The following CHRM3 variants were observed in gnomAD, a reference collection of about 807,000 sequenced individuals.
CHRM3 encodes muscarinic acetylcholine receptor M3.
A neutral mutation model predicts 41.8 loss-of-function variants in CHRM3; 11 were observed. The observed-to-expected ratio is 0.26, with a 90% CI of 0.17 to 0.44. The LOEUF (loss-of-function observed/expected upper bound fraction) is 0.44, where lower values mean the gene tolerates loss of function less well. CHRM3 is among the 20% of genes least tolerant of loss of function. The probability of loss-of-function intolerance (pLI) is 1.00; values close to 1 mark genes in which losing one functional copy is unlikely to be tolerated. For synonymous variants in CHRM3, 297 were observed against 301.4 expected (o/e 0.99, Z 0.15); for missense variants, 571 against 745.4 (o/e 0.77, Z 2.72).
At chr1:239,886,234 G>C (rs1678056614) in intron 6 of CHRM3, 1 of 152,064 alleles carries the variant, frequency 6.6e-6, no homozygotes, top group African/African-American at 2.4e-5. Context: ...GAAAGTATTG[G>C]GCTGCAATTG....
chr1:239,398,385 G>A (rs1192777510), intron 1 of CHRM3, among the ~76,000 whole-genome samples: 1 of 152,058 alleles, frequency 6.6e-6, no homozygotes, highest in Non-Finnish European at 1.5e-5. Context: ...ACAGGCGTGT[G>A]CCACCACGCC....
At chr1:239,648,045 G>A (rs2148954630) in intron 4 of CHRM3, among the ~76,000 whole-genome samples, 1 of 152,206 alleles carries the variant, frequency 6.6e-6, no homozygotes, top group African/African-American at 2.4e-5. Flanking sequence ...AAGAGAAAAT[G>A]AAACTAGTTT....
chr1:239,908,573 C>T lies in CHRM3; in HGVS notation c.1122C>T (p.His374=), dbSNP rs1680151876. 1.3e-6 allele frequency: 2 copies of T among 1,593,196 alleles called. No individual in the cohort carries two copies. The highest frequency in any genetic ancestry group is 1.3e-5 in the African/African-American group (1 of 74,654). ...CCATCGTGCTCAAGCTTCCGGGTCA[C>T]AGCACCATCCTCAACTCCACCAAGT... ...IYSIVLKLPG[H]STILNSTKLP... Residue 374 remains histidine (H), a synonymous_variant, in exon 7 of 7, where the codon CAC becomes CAT. Transcript: ENST00000676153. This position sits in a 1 kb window ranked among gnomAD's most constrained non-coding sequence, Gnocchi z 7.2.
chr1:239,755,003 G>T (rs1345085999), intron 5 of CHRM3, among the ~76,000 whole-genome samples: 1 of 152,132 alleles, frequency 6.6e-6, no homozygotes, highest in Non-Finnish European at 1.5e-5. Context: ...TTAGGCATTG[G>T]ATTAAGGGAC....
chr1:239,711,724 C>G (rs1388744003), intron 5 of CHRM3, among the ~76,000 whole-genome samples: 2 of 150,252 alleles, frequency 1.3e-5, no homozygotes, highest in African/African-American at 4.9e-5. Flanking sequence ...GGGTCTCACT[C>G]TGTTGCCCAG....
At chr1:239,710,895 C>T (rs1661712062) in intron 5 of CHRM3, among the ~76,000 whole-genome samples, 1 of 151,932 alleles carries the variant, frequency 6.6e-6, no homozygotes, top group Non-Finnish European at 1.5e-5. Flanking sequence ...CTATACCTCC[C>T]ACCAAGAAAG....
At position 239,842,125 on chromosome 1, in the gene CHRM3, T is replaced by C. The variant is rs569632555; in HGVS notation, c.-20+14747T>C. Among the ~76,000 whole-genome samples the C allele has an allele frequency of 7.2e-5, 11 of 152,190 alleles. 1 individual carries two copies. The highest frequency in any genetic ancestry group is 2.4e-4 in the African/African-American group (10 of 41,526). ...ACTTATAACAAAACTAGAAATTGAA[T>C]GCATGTCATCTATCAAGTCCTATGG... On this transcript the variant is annotated intron_variant, in intron 6 of 6. Transcript: ENST00000676153.
At chr1:239,801,833 C>A (rs1670242798) in intron 5 of CHRM3, among the ~76,000 whole-genome samples, 1 of 151,952 alleles carries the variant, frequency 6.6e-6, no homozygotes, top group African/African-American at 2.4e-5. Context: ...GCTTCTAGAA[C>A]TTTCTAGAAG....
chr1:239,841,073 C>T (rs1434661598), intron 6 of CHRM3, among the ~76,000 whole-genome samples: 2 of 152,198 alleles, frequency 1.3e-5, no homozygotes, highest in African/African-American at 4.8e-5. Context: ...TGACTCTCTG[C>T]TGTAAAATTG....
intron 2 of CHRM3, among the ~76,000 whole-genome samples, chr1:239,529,018 A>G (rs192527346): frequency 6.6e-6 from 1 of 152,330 alleles, no homozygotes; most frequent in Non-Finnish European, 1.5e-5. Flanking sequence ...AGCCATCTAT[A>G]CCTGTTAGAT....
intron 4 of CHRM3, among the ~76,000 whole-genome samples, chr1:239,660,058 T>C (rs534040864): frequency 5.4e-4 from 82 of 152,342 alleles, no homozygotes; most frequent in Admixed American, 2.1e-3. Flanking sequence ...AATCCTGGGC[T>C]CAAATGATCC....
chr1:239,739,262 C>T (rs187478229), intron 5 of CHRM3, among the ~76,000 whole-genome samples: 140 of 152,276 alleles, frequency 9.2e-4, no homozygotes, highest in Non-Finnish European at 1.6e-3. Flanking sequence ...CACTTGAAAA[C>T]GGGCATGCAC....
chr1:239,835,225 T>C (rs1673214470), intron 6 of CHRM3, among the ~76,000 whole-genome samples: 1 of 152,246 alleles, frequency 6.6e-6, no homozygotes, highest in Non-Finnish European at 1.5e-5. Context: ...TCTTCAGTCT[T>C]TCCGGATCCT....
At chr1:239,674,900 A>T (rs1657832535) in intron 4 of CHRM3, among the ~76,000 whole-genome samples, 1 of 151,928 alleles carries the variant, frequency 6.6e-6, no homozygotes, top group Non-Finnish European at 1.5e-5. Context: ...ATTAATCAAT[A>T]CCTGGTGTGT....
At chr1:239,556,948 G>A (rs1049889031) in intron 3 of CHRM3, among the ~76,000 whole-genome samples, 2 of 152,122 alleles carry the variant, frequency 1.3e-5, no homozygotes, top group African/African-American at 2.4e-5. Flanking sequence ...GGGGACATTA[G>A]TTACAAGCTT....
intron 3 of CHRM3, among the ~76,000 whole-genome samples, chr1:239,561,735 T>A (rs1660881977): frequency 6.6e-6 from 1 of 152,098 alleles, no homozygotes. Context: ...TATTTCCTCA[T>A]TAGCATGTAA....
At chr1:239,664,028 G>A (rs1278408747) in intron 4 of CHRM3, among the ~76,000 whole-genome samples, 1 of 152,078 alleles carries the variant, frequency 6.6e-6, no homozygotes, top group Non-Finnish European at 1.5e-5. Context: ...TCCCAAATGG[G>A]ATACTCAAAT....
At chr1:239,822,214 C>A (rs1672112011) in intron 5 of CHRM3, among the ~76,000 whole-genome samples, 1 of 152,222 alleles carries the variant, frequency 6.6e-6, no homozygotes, top group Non-Finnish European at 1.5e-5. Context: ...TATGGCCCCA[C>A]AACCAACACA....
chr1:239,566,192 C>T (rs932421406), intron 3 of CHRM3, among the ~76,000 whole-genome samples: 1 of 152,102 alleles, frequency 6.6e-6, no homozygotes, highest in East Asian at 1.9e-4. Flanking sequence ...GGATTACAGG[C>T]GTGAGCCATC....
Sources: allele counts gnomAD v4.1 joint callset (sites outside exome capture counted in the v4.1 genomes callset), GRCh38; gene constraint gnomAD v4.1.1; non-coding constraint Gnocchi (gnomAD v3.1); transcripts MANE v1.5; gene names NCBI Gene and HGNC (gene_info 2026-07-23, HGNC 2026-07-21).